The following RBM18 variants were observed in gnomAD, a reference collection of about 807,000 sequenced individuals.
RBM18 encodes probable RNA-binding protein 18.
A neutral mutation model predicts 26.4 loss-of-function variants in RBM18; 18 were observed. The observed-to-expected ratio is 0.68, with a 90% confidence interval of 0.47 to 1.01. RBM18 has a LOEUF of 1.01. Ranked by LOEUF, RBM18 falls within the 50% of genes least tolerant of loss-of-function variation. RBM18 has a pLI of 0.00. For synonymous variants in RBM18, 74 were observed against 81.1 expected (o/e 0.91, Z 0.47); for missense variants, 180 against 219.2 (o/e 0.82, Z 1.13).
At chr9:122,248,999 G>GT (rs1300605087) in intron 3 of RBM18, among the ~76,000 whole-genome samples, 2 of 152,150 alleles carry the variant, frequency 1.3e-5, no homozygotes, top group Non-Finnish European at 2.9e-5. Flanking sequence ...AGAGTGACAG[G>GT]TAAGAAATAT....
Position 122,239,195 on chromosome 9 carries a change from G to C in RBM18, c.*2689C>G, listed in dbSNP as rs1460118443. 1 of 150,868 alleles carries C rather than the reference G, an allele frequency of 6.6e-6. No homozygotes were observed. Among genetic ancestry groups the C allele is most frequent in the East Asian group, 2.0e-4 (1 of 5,044 alleles). 9.3% of individuals were successfully genotyped at this position (150,868 alleles called of 1,614,324 possible). The stretch of plus-strand genomic sequence containing the variant: ...GAATACCTGGTTTCATACAACTTGT[G>C]CAACTGATTTTTGACCTGTTTTGTT... On this transcript the variant is annotated 3_prime_UTR_variant, in exon 6 of 6. Transcript: ENST00000417201.
chr9:122,263,681 T>C (rs1285457304), intron 1 of RBM18, among the ~76,000 whole-genome samples: 1 of 152,182 alleles, frequency 6.6e-6, no homozygotes, highest in Non-Finnish European at 1.5e-5. Context: ...GACTATAGAT[T>C]GAGTGGAGGG....
In RBM18 at chr9:122,250,789, C is replaced by T. The variant is rs888950824; in HGVS notation, c.240+1058G>A. 3.3e-5 allele frequency among the ~76,000 whole-genome samples: 5 copies of T among 152,148 alleles called. 1 individual carries two copies. Among genetic ancestry groups the T allele is most frequent in the Non-Finnish European group, 5.9e-5 (4 of 67,998 alleles). On this transcript the variant is annotated intron_variant, in intron 3 of 5. Coordinates refer to ENST00000417201, the MANE Select transcript of RBM18 (RefSeq NM_033117.4). Reference sequence around the variant, plus strand: ...GGAAAGATATATGACTAAGTGTTAACAGTGATTATTTCTGGGTATTAGGCC... The same window carrying T: ...GGAAAGATATATGACTAAGTGTTAATAGTGATTATTTCTGGGTATTAGGCC...
At position 122,240,765 on chromosome 9, in the gene RBM18, C is replaced by T. The variant is rs1831403759; in HGVS notation, c.*1119G>A. On this transcript the variant is annotated 3_prime_UTR_variant, in exon 6 of 6. Transcript: ENST00000417201. ...AAACATATCTAGAGGCAAGTATGTT[C>T]TCCAAGTGAAGAATCATTTCCAAGG... 1 of 152,192 alleles carries T rather than the reference C, an allele frequency of 6.6e-6. No homozygotes were observed. Among genetic ancestry groups the T allele is most frequent in the Non-Finnish European group, 1.5e-5 (1 of 68,040 alleles). The allele number at this position is 152,192 out of a possible 1,614,324, so 9.4% of individuals were successfully genotyped here.
At chr9:122,244,142 TA>T (rs11317765) in intron 5 of RBM18, among the ~76,000 whole-genome samples, 90,799 of 149,340 alleles carry the variant, frequency 0.61, 27,626 homozygotes, top group East Asian at 0.83. Flanking sequence ...GAGCACGAAA[TA>T]AAAAAAAAAA....
intron 2 of RBM18, among the ~76,000 whole-genome samples, chr9:122,253,474 C>T (rs1831638200): frequency 6.6e-6 from 1 of 152,114 alleles, no homozygotes; most frequent in African/African-American, 2.4e-5. Flanking sequence ...CATCAGGACA[C>T]CTCAACCACT....
intron 1 of RBM18, among the ~76,000 whole-genome samples, chr9:122,263,794 T>C (rs1436055116): frequency 1.3e-5 from 2 of 152,192 alleles, no homozygotes; most frequent in African/African-American, 4.8e-5. Flanking sequence ...TTAATATTTA[T>C]TACCACGAAA....
At chr9:122,262,697 C>A (rs1831824703) in intron 1 of RBM18, among the ~76,000 whole-genome samples, 1 of 152,102 alleles carries the variant, frequency 6.6e-6, no homozygotes. Context: ...AATTCTCATG[C>A]CTCAGCCTCC....
chr9:122,249,077 G>T (rs2118958420), intron 3 of RBM18, among the ~76,000 whole-genome samples: 1 of 151,876 alleles, frequency 6.6e-6, no homozygotes, highest in African/African-American at 2.4e-5. Flanking sequence ...CAAAGTAGGA[G>T]CAGTAATAAG....
intron 5 of RBM18, among the ~76,000 whole-genome samples, chr9:122,242,611 T>A (rs1831438995): frequency 6.6e-6 from 1 of 152,036 alleles, no homozygotes. Context: ...ATAAAAACTA[T>A]CATTTACAAA....
In RBM18 at chr9:122,261,369, C is replaced by T. The variant is rs1230829706; in HGVS notation, c.113+11G>A. The T allele has an allele frequency of 1.9e-6, 3 of 1,588,984 alleles. No individual in the cohort carries two copies. In the South Asian group the frequency reaches 3.3e-5, roughly 18 times the overall value. On this transcript the variant is annotated intron_variant, in intron 2 of 5. Coordinates refer to ENST00000417201, the MANE Select transcript of RBM18 (RefSeq NM_033117.4). ...TATTGTAGGTAAAAAACTAAGGTAA[C>T]TTAGACTTACTCGGTAATTTTGGGG...
At chr9:122,243,969 C>T in intron 5 of RBM18, 2 of 577,752 alleles carry the variant, frequency 3.5e-6, no homozygotes, top group Non-Finnish European at 4.4e-6. Flanking sequence ...ACATGAAGAC[C>T]ACCAAGCATA....
chr9:122,248,885 G>A (rs1165652910), intron 3 of RBM18, among the ~76,000 whole-genome samples: 1 of 152,172 alleles, frequency 6.6e-6, no homozygotes, highest in Non-Finnish European at 1.5e-5. Flanking sequence ...TGTTCCTCCA[G>A]AACCTACCAG....
At chr9:122,256,364 T>C (rs1831698160) in intron 2 of RBM18, among the ~76,000 whole-genome samples, 1 of 152,226 alleles carries the variant, frequency 6.6e-6, no homozygotes, top group Non-Finnish European at 1.5e-5. Context: ...AGCGTTTCTA[T>C]GGGCTTTGTT....
At chr9:122,245,826 AAAAC>A (rs1190591598) in intron 4 of RBM18, among the ~76,000 whole-genome samples, 1 of 151,832 alleles carries the variant, frequency 6.6e-6, no homozygotes, top group East Asian at 1.9e-4. Flanking sequence ...TTAAAAAAAA[AAAAC>A]AAAAAACAAA....
At chr9:122,248,668 C>T (rs898504029) in intron 3 of RBM18, among the ~76,000 whole-genome samples, 1 of 152,214 alleles carries the variant, frequency 6.6e-6, no homozygotes, top group Admixed American at 6.5e-5. Flanking sequence ...CACTCTAGGT[C>T]ATTCCCAGGA....
chr9:122,250,798 T>C (rs554331081), intron 3 of RBM18, among the ~76,000 whole-genome samples: 2 of 152,266 alleles, frequency 1.3e-5, no homozygotes, highest in African/African-American at 4.8e-5. Context: ...ACAGTGATTA[T>C]TTCTGGGTAT....
chr9:122,253,915 C>A (rs988194622), intron 2 of RBM18, among the ~76,000 whole-genome samples: 1 of 151,578 alleles, frequency 6.6e-6, no homozygotes, highest in African/African-American at 2.4e-5. Context: ...GTAGTCCCAG[C>A]TACTCAGGAG....
intron 3 of RBM18, among the ~76,000 whole-genome samples, chr9:122,250,902 AATTATT>A (rs35650318): frequency 6.7e-6 from 1 of 148,732 alleles, no homozygotes; most frequent in Non-Finnish European, 1.5e-5. Context: ...CACTCATACA[AATTATT>A]ATTATTATTA....
Sources: allele counts gnomAD v4.1 joint callset (sites outside exome capture counted in the v4.1 genomes callset), GRCh38; gene constraint gnomAD v4.1.1; transcripts MANE v1.5; gene names NCBI Gene and HGNC (gene_info 2026-07-23, HGNC 2026-07-21).